KCNH5: variants seen among roughly 807,000 people sequenced by gnomAD.
KCNH5 encodes the protein voltage-gated delayed rectifier potassium channel KCNH5.
KCNH5 carries 46 observed loss-of-function variants against 96.1 expected under a neutral mutation model. That is an observed-to-expected ratio of 0.48 (90% confidence interval 0.38 to 0.61). The LOEUF (loss-of-function observed/expected upper bound fraction) is 0.61. Ranked by LOEUF, KCNH5 falls within the 20% of genes least tolerant of loss-of-function variation. The pLI is 0.00. For missense variants in KCNH5, 907 were observed against 1,225.8 expected (o/e 0.74, Z 3.88); for synonymous variants, 439 against 449.8 (o/e 0.98, Z 0.30).
At chr14:62,898,500 A>G (rs1888859629) in intron 7 of KCNH5, among the ~76,000 whole-genome samples, 1 of 152,208 alleles carries the variant, frequency 6.6e-6, no homozygotes, top group African/African-American at 2.4e-5. Flanking sequence ...GATTACAGAC[A>G]TGAATTTAAA....
intron 1 of KCNH5, among the ~76,000 whole-genome samples, chr14:63,039,830 T>G (rs768322465): frequency 2.0e-5 from 3 of 152,030 alleles, no homozygotes; most frequent in Non-Finnish European, 4.4e-5. Context: ...AGATATTTTC[T>G]TCCAAGAGCA....
In KCNH5 at chr14:62,950,940, A is replaced by G. The variant is rs371106457; in HGVS notation, c.943-381T>C. 4.0e-4 allele frequency among the ~76,000 whole-genome samples: 61 copies of G among 152,308 alleles called. 4 individuals carry two copies. In the South Asian group the frequency reaches 8.3e-3, roughly 21 times the overall value. ...TTCAGACCTTTTATTTCCTTTTCCT[A>G]TAAAACTTTCCCTCTACTCTAAAAG... On this transcript the variant is annotated intron_variant, in intron 6 of 10. Transcript: ENST00000322893.
intron 8 of KCNH5, among the ~76,000 whole-genome samples, chr14:62,821,954 G>T (rs767118571): frequency 1.3e-5 from 2 of 152,022 alleles, no homozygotes; most frequent in Admixed American, 6.6e-5. Flanking sequence ...TAATGCCAAA[G>T]AAATATTCAA....
intron 1 of KCNH5, 119 bp from the exon 2 acceptor site, chr14:63,017,073 T>C: frequency 3.2e-6 from 3 of 939,262 alleles, no homozygotes; most frequent in Non-Finnish European, 4.6e-6. Flanking sequence ...TTTGTAATTG[T>C]ACAAATAATA....
intron 7 of KCNH5, among the ~76,000 whole-genome samples, chr14:62,915,681 C>A (rs1321537869): frequency 2.0e-5 from 3 of 152,176 alleles, no homozygotes; most frequent in African/African-American, 4.8e-5. Flanking sequence ...TTTATAAAAG[C>A]TATTTATGAA....
At chr14:63,001,172 C>T (rs773767606) in intron 4 of KCNH5, among the ~76,000 whole-genome samples, 159 bp downstream of exon 4, 4 of 152,076 alleles carry the variant, frequency 2.6e-5, no homozygotes, top group African/African-American at 4.8e-5. Context: ...ATTTCTATTC[C>T]AACAGTATGA....
At position 62,936,613 on chromosome 14, in the gene KCNH5, T is replaced by C. The variant is rs1232284759; in HGVS notation, c.1369+13520A>G. On this transcript the variant is annotated intron_variant, in intron 7 of 10. Coordinates refer to ENST00000322893, the MANE Select transcript of KCNH5 (RefSeq NM_139318.5). Reference sequence around the variant, plus strand: ...TTGCTTCAACCTGGGAGGAGGAGGTTGCAGTGAGCTGAGCTCACGCCACTG... The same window carrying C: ...TTGCTTCAACCTGGGAGGAGGAGGTCGCAGTGAGCTGAGCTCACGCCACTG... Among the ~76,000 whole-genome samples, 17 of 146,608 alleles carry C rather than the reference T, an allele frequency of 1.2e-4. No individual in the cohort carries two copies. The Admixed American group carries it at 1.2e-3, about 10-fold the overall frequency.
At chr14:62,775,440 C>A (rs1886075633) in intron 10 of KCNH5, among the ~76,000 whole-genome samples, 1 of 152,102 alleles carries the variant, frequency 6.6e-6, no homozygotes, top group African/African-American at 2.4e-5. Context: ...GTGCTTCTGG[C>A]CTCTTGGAGA....
intron 10 of KCNH5, among the ~76,000 whole-genome samples, chr14:62,762,852 A>G (rs984674577): frequency 4.6e-5 from 7 of 152,228 alleles, no homozygotes; most frequent in Admixed American, 4.6e-4. Context: ...ACTATCCTAA[A>G]TATACACATA....
intron 7 of KCNH5, among the ~76,000 whole-genome samples, chr14:62,909,111 T>G (rs1407941874): frequency 1.6e-5 from 2 of 127,642 alleles, no homozygotes; most frequent in Non-Finnish European, 3.2e-5. Context: ...AGTGGCGGGA[T>G]CTCGGCTCAC....
intron 7 of KCNH5, among the ~76,000 whole-genome samples, chr14:62,878,763 G>A (rs960157402): frequency 4.6e-5 from 7 of 152,106 alleles, no homozygotes; most frequent in African/African-American, 1.7e-4. Flanking sequence ...AAAAGTTCAA[G>A]CTTAAGATGT....
Position 62,891,322 on chromosome 14 carries a change from G to A in KCNH5, c.1370-41470C>T, listed in dbSNP as rs146456573. Among the ~76,000 whole-genome samples the A allele has an allele frequency of 9.2e-5, 14 of 152,192 alleles. No individual in the cohort carries two copies. In the South Asian group the frequency reaches 1.2e-3, roughly 14 times the overall value. ...ACATAGGAACAGATAACCAAATACCGCATGTTCTCACTTCTAAGTAGGAGC... is the reference window on the plus strand; with the variant it reads ...ACATAGGAACAGATAACCAAATACCACATGTTCTCACTTCTAAGTAGGAGC... On this transcript the variant is annotated intron_variant, in intron 7 of 10. Transcript: ENST00000322893.
chr14:62,970,975 T>C (rs1383241228), intron 6 of KCNH5, among the ~76,000 whole-genome samples: 2 of 152,048 alleles, frequency 1.3e-5, no homozygotes, highest in East Asian at 1.9e-4. Flanking sequence ...TTCCCTCTCA[T>C]CACTTCTTTT....
At chr14:62,905,234 C>G (rs1450995811) in intron 7 of KCNH5, among the ~76,000 whole-genome samples, 1 of 152,160 alleles carries the variant, frequency 6.6e-6, no homozygotes, top group Admixed American at 6.5e-5. Context: ...ACAATTAAAC[C>G]TCTTTTGTTT....
intron 10 of KCNH5, among the ~76,000 whole-genome samples, chr14:62,772,281 A>G (rs1220434120): frequency 6.6e-6 from 1 of 152,108 alleles, no homozygotes; most frequent in Non-Finnish European, 1.5e-5. Context: ...GCTTGTCAAT[A>G]TTTTTTGTAA....
In KCNH5 at chr14:63,045,434, G is replaced by T. The variant is rs541691016; in HGVS notation, c.-248C>A. The T allele has an allele frequency of 3.8e-6, 2 of 529,698 alleles. No individual in the cohort carries two copies. Among genetic ancestry groups the T allele is most frequent in the Non-Finnish European group, 6.8e-6 (2 of 293,374 alleles). The allele number at this position is 529,698 out of a possible 1,614,324, so 32.8% of individuals were successfully genotyped here. On this transcript the variant is annotated 5_prime_UTR_variant, in exon 1 of 11. Transcript: ENST00000322893. ...CCGCCGCTGCCCAGACTGTGGCGGT[G>T]CCGCACACGGGGCTCGGGAACTGCA...
Position 62,704,565 on chromosome 14 carries a change from G to A in KCNH5, c.*2943C>T, listed in dbSNP as rs962474026. On this transcript the variant is annotated 3_prime_UTR_variant, in exon 11 of 11. Transcript: ENST00000322893. ...TGCTATTTTGTTACAACCACCTGTC[G>A]AGGATACAGCATCTGATCTTACCTA... The A allele has an allele frequency of 6.6e-6, 1 of 151,916 alleles. No individual in the cohort carries two copies. Among genetic ancestry groups the A allele is most frequent in the Middle Eastern group, 3.4e-3 (1 of 294 alleles). 9.4% of individuals were successfully genotyped at this position (151,916 alleles called of 1,614,324 possible). A position where few individuals can be genotyped will look rare whatever the true frequency, so the allele number is the denominator to read the frequency against.
intron 7 of KCNH5, among the ~76,000 whole-genome samples, chr14:62,931,288 T>G (rs1379038286): frequency 6.6e-6 from 1 of 152,010 alleles, no homozygotes; most frequent in Non-Finnish European, 1.5e-5. Flanking sequence ...AAATGGTAAA[T>G]AGCAATGGGA....
intron 4 of KCNH5, among the ~76,000 whole-genome samples, chr14:62,997,332 G>C (rs1009366863): frequency 6.6e-6 from 1 of 152,124 alleles, no homozygotes; most frequent in Non-Finnish European, 1.5e-5. Context: ...AAAATAGTTA[G>C]AATATTATAG....
Sources: gnomAD v4.1 joint callset for allele counts (sites outside exome capture counted in the v4.1 genomes callset) on GRCh38, gnomAD v4.1.1 for gene constraint, MANE v1.5 for transcripts, NCBI Gene and HGNC (gene_info 2026-07-23, HGNC 2026-07-21) for gene names.